PDS5A: variants seen among roughly 807,000 people sequenced by gnomAD.
The protein encoded by PDS5A is PDS5 cohesin associated factor A.
Under a neutral mutation model 167.1 loss-of-function variants are expected in PDS5A, and 42 were observed. The observed-to-expected ratio is 0.25, with a 90% CI of 0.20 to 0.33. The LOEUF (loss-of-function observed/expected upper bound fraction) is 0.33, where lower values mean the gene tolerates loss of function less well. PDS5A is among the 10% of genes least tolerant of loss of function. PDS5A has a pLI of 1.00. For synonymous variants in PDS5A, 553 were observed against 554.6 expected (o/e 1.00, Z 0.04); for missense variants, 1,033 against 1,605.9 (o/e 0.64, Z 6.10).
chr4:39,869,902 T>G (rs2109565489), intron 21 of PDS5A, among the ~76,000 whole-genome samples: 1 of 151,626 alleles, frequency 6.6e-6, no homozygotes, highest in Admixed American at 6.6e-5. Context: ...AGGTCAGGAG[T>G]TTGAGACCAG....
intron 21 of PDS5A, 181 bp downstream of exon 21, chr4:39,872,805 A>G (rs1720163174): frequency 7.9e-6 from 3 of 379,734 alleles, no homozygotes. Context: ...AAATTCTAGT[A>G]GTAATAGCTA....
intron 2 of PDS5A, among the ~76,000 whole-genome samples, chr4:39,929,956 C>CACCTT (rs1413597525): frequency 6.6e-6 from 1 of 150,888 alleles, no homozygotes; most frequent in East Asian, 1.9e-4. Flanking sequence ...TGGCTCATGC[C>CACCTT]TGTAATCCCA....
At chr4:39,949,188 G>C (rs186258190) in intron 2 of PDS5A, among the ~76,000 whole-genome samples, 19 of 150,672 alleles carry the variant, frequency 1.3e-4, no homozygotes, top group African/African-American at 4.4e-4. Flanking sequence ...CATAGTCCCA[G>C]CTACTCAGGA....
chr4:39,973,725 T>C (rs1730792634), intron 2 of PDS5A: 4 of 1,284,022 alleles, frequency 3.1e-6, no homozygotes, highest in African/African-American at 1.5e-5. Context: ...CTAACCAGCA[T>C]ATGCAGAGAA....
Position 39,976,551 on chromosome 4 carries a change from A to T in PDS5A, c.27T>A (p.Pro9=), listed in dbSNP as rs768826998. 5 of 1,612,996 alleles carry T rather than the reference A, an allele frequency of 3.1e-6. No individual in the cohort carries two copies. In the Admixed American group the frequency reaches 8.3e-5, roughly 27 times the overall value. The change falls in exon 2 of 33, where the codon CCT becomes CCA. Residue 9 remains proline, a synonymous_variant. Coordinates refer to ENST00000303538, the MANE Select transcript of PDS5A (RefSeq NM_001100399.2). Reference sequence around the variant, plus strand: ...TCACGACGCCACAGAGGGCAGTGGCAGGCTTGGGCTGCGCGGTGAAGTCCA... The same window carrying T: ...TCACGACGCCACAGAGGGCAGTGGCTGGCTTGGGCTGCGCGGTGAAGTCCA... MDFTAQPK[P]ATALCGVVSA... is the part of the protein sequence containing the mutation.
chr4:39,895,439 A>G (rs947960025), intron 16 of PDS5A, among the ~76,000 whole-genome samples: 2 of 152,174 alleles, frequency 1.3e-5, no homozygotes, highest in Non-Finnish European at 2.9e-5. Context: ...TATAAACCAT[A>G]TAATAAAAAT....
At chr4:39,889,353 T>C (rs906447229) in intron 17 of PDS5A, among the ~76,000 whole-genome samples, 5 of 152,240 alleles carry the variant, frequency 3.3e-5, no homozygotes, top group African/African-American at 1.2e-4. Flanking sequence ...AAATTTCTTT[T>C]GTTCAGGCCA....
intron 30 of PDS5A, among the ~76,000 whole-genome samples, chr4:39,842,909 T>TATATATATATATATATATATATATATA (rs1717167841): frequency 5.4e-5 from 5 of 92,308 alleles, no homozygotes; most frequent in African/African-American, 2.7e-4. Flanking sequence ...TATCCTATTT[T>TATATATATATATATATATATATATATA]TATATATATA....
At chr4:39,841,426 C>G (rs528949466) in intron 31 of PDS5A, among the ~76,000 whole-genome samples, 2 of 152,110 alleles carry the variant, frequency 1.3e-5, no homozygotes, top group Non-Finnish European at 2.9e-5. Context: ...CATGAGCCAA[C>G]GCACCAGGCC....
chr4:39,935,397 C>A (rs139595834), intron 2 of PDS5A, among the ~76,000 whole-genome samples: 62 of 152,344 alleles, frequency 4.1e-4, no homozygotes, highest in African/African-American at 1.5e-3. Context: ...CGCGTCTGGC[C>A]TTCCGATGTG....
intron 24 of PDS5A, 117 bp from the exon 25 acceptor site, chr4:39,863,190 T>C: frequency 1.1e-6 from 1 of 933,592 alleles, no homozygotes; most frequent in Non-Finnish European, 1.6e-6. Context: ...GAATAAATAA[T>C]GTAATAATTG....
At chr4:39,894,521 C>T (rs1389846392) in intron 16 of PDS5A, among the ~76,000 whole-genome samples, 1 of 152,186 alleles carries the variant, frequency 6.6e-6, no homozygotes, top group Non-Finnish European at 1.5e-5. Flanking sequence ...GACAAGCCCA[C>T]TCTTCTCTTC....
At chr4:39,970,860 G>C (rs1001416267) in intron 2 of PDS5A, among the ~76,000 whole-genome samples, 1 of 140,934 alleles carries the variant, frequency 7.1e-6, no homozygotes, top group Non-Finnish European at 1.5e-5. Context: ...TGCAGTGGTA[G>C]GATCACGGTT....
chr4:39,913,980 A>G (rs74799118), intron 8 of PDS5A, among the ~76,000 whole-genome samples: 1,634 of 152,166 alleles, frequency 0.011, 34 homozygotes, highest in African/African-American at 0.037. Flanking sequence ...CATTCTATAC[A>G]TTGGTTATGG....
chr4:39,953,827 G>A (rs1302360525), intron 2 of PDS5A, among the ~76,000 whole-genome samples: 2 of 152,132 alleles, frequency 1.3e-5, no homozygotes, highest in Non-Finnish European at 2.9e-5. Context: ...ACCTATAAAT[G>A]TTTCTGTTTA....
chr4:39,849,000 T>G (rs540133742), intron 27 of PDS5A, 30 bp from the exon 28 acceptor site: 1 of 1,448,650 alleles, frequency 6.9e-7, no homozygotes, highest in Admixed American at 2.2e-5. Flanking sequence ...ATATATAACT[T>G]TTAGTATTGC....
At chr4:39,853,971 G>A (rs139075479) in intron 26 of PDS5A, among the ~76,000 whole-genome samples, 13 of 152,318 alleles carry the variant, frequency 8.5e-5, no homozygotes, top group Admixed American at 3.9e-4. Flanking sequence ...CGTATTAGCT[G>A]TGTGACTTTA....
intron 32 of PDS5A, 84 bp downstream of exon 32, chr4:39,837,772 G>A: frequency 2.0e-6 from 2 of 977,738 alleles, no homozygotes; most frequent in Non-Finnish European, 3.0e-6. Flanking sequence ...ATGCTTAGGT[G>A]TTTGGGGTGA....
intron 19 of PDS5A, among the ~76,000 whole-genome samples, chr4:39,875,010 C>G (rs1720345376): frequency 6.6e-6 from 1 of 152,168 alleles, no homozygotes. Flanking sequence ...AGTCATTACA[C>G]AGATGAGAAA....
Sources: allele counts gnomAD v4.1 joint callset (sites outside exome capture counted in the v4.1 genomes callset), GRCh38; gene constraint gnomAD v4.1.1; transcripts MANE v1.5; gene names NCBI Gene and HGNC (gene_info 2026-07-23, HGNC 2026-07-21).